Variants in NCAM2 observed in about 807,000 individuals in gnomAD.
NCAM2 encodes the protein neural cell adhesion molecule 2.
A neutral mutation model predicts 98.1 loss-of-function variants in NCAM2; 30 were observed. That is an observed-to-expected ratio of 0.31 (90% CI 0.23 to 0.41). The LOEUF is 0.41. Ranked by LOEUF, NCAM2 falls within the 10% of genes least tolerant of loss-of-function variation. NCAM2 has a pLI of 1.00. For synonymous variants in NCAM2, 368 were observed against 342.4 expected (o/e 1.07, Z -0.83); for missense variants, 867 against 1,005.8 (o/e 0.86, Z 1.87).
chr21:21,366,621 C>T (rs1221970962), intron 8 of NCAM2, among the ~76,000 whole-genome samples: 1 of 152,026 alleles, frequency 6.6e-6, no homozygotes, highest in Non-Finnish European at 1.5e-5. Context: ...GGTTTCTGAT[C>T]TGCTCCACAT....
intron 1 of NCAM2, among the ~76,000 whole-genome samples, chr21:21,084,877 T>C: frequency 6.6e-6 from 1 of 152,190 alleles, no homozygotes; most frequent in South Asian, 2.1e-4. Flanking sequence ...AAATAGTACC[T>C]TTTTGTACTT....
chr21:21,170,124 G>A (rs1366702020), intron 1 of NCAM2, among the ~76,000 whole-genome samples: 1 of 152,172 alleles, frequency 6.6e-6, no homozygotes, highest in Non-Finnish European at 1.5e-5. Context: ...TGAGGGTGTG[G>A]AACAAGATGA....
chr21:21,368,558 A>G (rs1038875143), intron 8 of NCAM2, among the ~76,000 whole-genome samples: 1 of 151,894 alleles, frequency 6.6e-6, no homozygotes, highest in African/African-American at 2.4e-5. Flanking sequence ...TCAAGGTGCT[A>G]GCAGGATGGA....
chr21:21,111,863 A>G (rs150523509), intron 1 of NCAM2, among the ~76,000 whole-genome samples: 74 of 152,276 alleles, frequency 4.9e-4, no homozygotes, highest in African/African-American at 1.6e-3. Flanking sequence ...GAGAATTTCT[A>G]TCCTCTCATT....
At chr21:21,182,185 A>C (rs2068499583) in intron 1 of NCAM2, among the ~76,000 whole-genome samples, 1 of 152,180 alleles carries the variant, frequency 6.6e-6, no homozygotes, top group Non-Finnish European at 1.5e-5. Flanking sequence ...TTAATGAAAT[A>C]TTTAACAAAT....
At chr21:21,360,861 G>A (rs1290273669) in intron 8 of NCAM2, among the ~76,000 whole-genome samples, 3 of 151,810 alleles carry the variant, frequency 2.0e-5, no homozygotes, top group African/African-American at 7.3e-5. Context: ...TCTTTCTGCT[G>A]CCTAGAACTC....
intron 1 of NCAM2, among the ~76,000 whole-genome samples, chr21:21,021,857 T>C (rs183618493): frequency 2.0e-5 from 3 of 152,296 alleles, no homozygotes; most frequent in Admixed American, 2.0e-4. Context: ...TCTCGTCCTC[T>C]AAATTTTATT....
intron 1 of NCAM2, among the ~76,000 whole-genome samples, chr21:21,044,594 A>G (rs2064972236): frequency 6.6e-6 from 1 of 152,236 alleles, no homozygotes; most frequent in East Asian, 1.9e-4. Flanking sequence ...CCAAATAAAA[A>G]TGATTCATTT....
chr21:21,439,714 C>G (rs191128159), intron 12 of NCAM2, among the ~76,000 whole-genome samples: 47 of 152,214 alleles, frequency 3.1e-4, no homozygotes, highest in Middle Eastern at 6.8e-3. Flanking sequence ...AAAGTACCAG[C>G]AATAAATATA....
intron 1 of NCAM2, among the ~76,000 whole-genome samples, chr21:21,053,412 C>A (rs890750346): frequency 2.0e-5 from 3 of 151,828 alleles, no homozygotes; most frequent in African/African-American, 7.2e-5. Context: ...ATGAAACTAA[C>A]CTGTGAAGCA....
intron 5 of NCAM2, among the ~76,000 whole-genome samples, chr21:21,311,397 A>G (rs7282353): frequency 0.74 from 109,751 of 147,980 alleles, 40,753 homozygotes; most frequent in South Asian, 0.83. Flanking sequence ...CTGGAGTGCA[A>G]TGATGCAATC....
intron 9 of NCAM2, among the ~76,000 whole-genome samples, chr21:21,381,783 T>C (rs2076159292): frequency 1.3e-5 from 2 of 152,164 alleles, no homozygotes; most frequent in South Asian, 4.1e-4. Flanking sequence ...ATATTTTATA[T>C]GTATTCATCT....
intron 8 of NCAM2, among the ~76,000 whole-genome samples, chr21:21,355,355 A>C (rs1019496945): frequency 3.3e-5 from 5 of 149,312 alleles, no homozygotes; most frequent in African/African-American, 1.2e-4. Flanking sequence ...AGGGGGTTGC[A>C]GGGGGCTGAG....
At chr21:21,468,811 T>C in intron 14 of NCAM2, 28 bp downstream of exon 14, 1 of 1,582,948 alleles carries the variant, frequency 6.3e-7, no homozygotes, top group Non-Finnish European at 8.6e-7. Flanking sequence ...TGTCATATCA[T>C]GCTAGGTTTT....
intron 1 of NCAM2, among the ~76,000 whole-genome samples, chr21:21,011,563 G>C (rs1173555107): frequency 6.6e-6 from 1 of 152,006 alleles, no homozygotes; most frequent in Non-Finnish European, 1.5e-5. Flanking sequence ...GCCTTATATA[G>C]TTATTTCTGT....
intron 1 of NCAM2, among the ~76,000 whole-genome samples, chr21:21,080,304 A>G (rs2065765700): frequency 6.6e-6 from 1 of 152,082 alleles, no homozygotes; most frequent in South Asian, 2.1e-4. Context: ...AGACATTAAC[A>G]TTTCGCCTTT....
chr21:21,123,249 G>A (rs192462391), intron 1 of NCAM2, among the ~76,000 whole-genome samples: 2 of 151,990 alleles, frequency 1.3e-5, no homozygotes, highest in East Asian at 3.9e-4. Context: ...CAAAAAATCA[G>A]CCGGGCGTGG....
chr21:21,506,321 T>C (rs1291117396), intron 15 of NCAM2, among the ~76,000 whole-genome samples: 1 of 152,130 alleles, frequency 6.6e-6, no homozygotes, highest in Non-Finnish European at 1.5e-5. Flanking sequence ...GAAGAAAATA[T>C]TGTATTTTCA....
chr21:21,534,543 T>C lies in NCAM2; in HGVS notation c.2289T>C (p.Asp763=), dbSNP rs984991944. The C allele has an allele frequency of 6.3e-7, 1 of 1,590,270 alleles. No individual in the cohort carries two copies. The highest frequency in any genetic ancestry group is 8.6e-7 in the Non-Finnish European group (1 of 1,166,792). Residue 763 remains aspartate, a synonymous_variant, in exon 17 of 18, where the codon GAT becomes GAC. Coordinates refer to ENST00000400546, the MANE Select transcript of NCAM2 (RefSeq NM_004540.5). ...LEEGKAAYLK[D]GSKEPIVEMR... The stretch of plus-strand genomic sequence containing the variant: ...TTTCTCTTTATGTTTCTAGGAAAGA[T>C]GGATCAAAAGAACCAATAGTGGAGA...
Sources: gnomAD v4.1 joint callset for allele counts (sites outside exome capture counted in the v4.1 genomes callset) on GRCh38, gnomAD v4.1.1 for gene constraint, MANE v1.5 for transcripts, NCBI Gene and HGNC (gene_info 2026-07-23, HGNC 2026-07-21) for gene names.